ANK3: variants seen among roughly 807,000 people sequenced by gnomAD.
ANK3 encodes ankyrin-3.
Under a neutral mutation model 370.9 loss-of-function variants are expected in ANK3, and 57 were observed. The ratio of observed to expected loss-of-function variants is 0.15; its 90% CI spans 0.12 to 0.19. The LOEUF (loss-of-function observed/expected upper bound fraction) is 0.19. Ranked by LOEUF, ANK3 falls within the 10% of genes least tolerant of loss-of-function variation. ANK3 has a pLI of 1.00. For missense variants in ANK3, 4,439 were observed against 5,302.1 expected (o/e 0.84, Z 5.06); for synonymous variants, 1,929 against 1,946.3 (o/e 0.99, Z 0.23).
chr10:60,155,143 T>C (rs1184297844), intron 23 of ANK3, among the ~76,000 whole-genome samples: 2 of 152,116 alleles, frequency 1.3e-5, no homozygotes, highest in Non-Finnish European at 2.9e-5. Context: ...CAATACCCGA[T>C]TTTAATGTAA....
At chr10:60,449,465 ATGGCAGAGGTCAGTC>A (rs2064538776) in intron 2 of ANK3, among the ~76,000 whole-genome samples, 1 of 152,202 alleles carries the variant, frequency 6.6e-6, no homozygotes, top group African/African-American at 2.4e-5. Flanking sequence ...ACTCAGTTGG[ATGGCAGAGGTCAGTC>A]TGGGATAGGA....
chr10:60,413,866 G>T (rs1197274280), intron 2 of ANK3, among the ~76,000 whole-genome samples: 1 of 151,986 alleles, frequency 6.6e-6, no homozygotes, highest in Non-Finnish European at 1.5e-5. Context: ...GTGTGGTGGT[G>T]CTTGTTTGCA....
intron 1 of ANK3, among the ~76,000 whole-genome samples, chr10:60,360,156 T>C (rs774875349): frequency 6.6e-6 from 1 of 152,220 alleles, no homozygotes; most frequent in Non-Finnish European, 1.5e-5. Flanking sequence ...TGTGTGTACA[T>C]GCGTGCCTAT....
At chr10:60,357,179 T>G (rs2057892486) in intron 1 of ANK3, among the ~76,000 whole-genome samples, 1 of 152,194 alleles carries the variant, frequency 6.6e-6, no homozygotes, top group Non-Finnish European at 1.5e-5. Flanking sequence ...TCTGGCCTCT[T>G]ACATCCTTGA....
Position 60,082,220 on chromosome 10 carries a change from T to A in ANK3, c.4324-44A>T, listed in dbSNP as rs769395289. 26 of 1,531,036 alleles carry A rather than the reference T, an allele frequency of 1.7e-5. No homozygotes were observed. The African/African-American group carries it at 3.6e-4, about 21-fold the overall frequency. 94.8% of individuals were successfully genotyped at this position (1,531,036 alleles called of 1,614,324 possible). A position where few individuals can be genotyped will look rare whatever the true frequency, so the allele number is the denominator to read the frequency against. On this transcript the variant is annotated intron_variant, in intron 34 of 43. Coordinates refer to ENST00000280772, the MANE Select transcript of ANK3 (RefSeq NM_020987.5). ...ATTGCAGAGACAAGGAATATTATAA[T>A]GGACAGCAGGGAAAAGAATATCAGG... is the stretch of plus-strand genomic sequence containing the variant.
chr10:60,417,915 TA>T (rs534459028), intron 2 of ANK3, among the ~76,000 whole-genome samples: 4 of 152,116 alleles, frequency 2.6e-5, no homozygotes, highest in East Asian at 1.9e-4. Context: ...AAAGGTTTTT[TA>T]AAAAAATTTT....
intron 1 of ANK3, among the ~76,000 whole-genome samples, chr10:60,622,826 C>G (rs890596034): frequency 3.9e-5 from 6 of 152,132 alleles, no homozygotes; most frequent in Non-Finnish European, 7.3e-5. Context: ...ATGGGACCAA[C>G]GGAACCCAGT....
At position 60,026,993 on chromosome 10, in the gene ANK3, A is replaced by G. The variant is rs545601246; in HGVS notation, c.*2853T>C. ...AATCTACATATACATGTATAAATATATGCATATACACACATATGCAAGTTA... is the reference window on the plus strand; with the variant it reads ...AATCTACATATACATGTATAAATATGTGCATATACACACATATGCAAGTTA... On this transcript the variant is annotated 3_prime_UTR_variant, in exon 44 of 44. Coordinates refer to ENST00000280772, the MANE Select transcript of ANK3 (RefSeq NM_020987.5). 6.6e-6 allele frequency: 1 copy of G among 152,314 alleles called. No individual in the cohort carries two copies. The highest frequency in any genetic ancestry group is 1.5e-5 in the Non-Finnish European group (1 of 68,028). The allele number at this position is 152,314 out of a possible 1,614,324, so 9.4% of individuals were successfully genotyped here.
Position 60,329,923 on chromosome 10 carries a change from G to T in ANK3, c.115-50284C>A, listed in dbSNP as rs1183133334. Among the ~76,000 whole-genome samples, 4 of 152,248 alleles carry T rather than the reference G, an allele frequency of 2.6e-5. No individual in the cohort carries two copies. The East Asian group carries it at 5.8e-4, about 22-fold the overall frequency. On this transcript the variant is annotated intron_variant, in intron 1 of 43. Coordinates refer to ENST00000280772, the MANE Select transcript of ANK3 (RefSeq NM_020987.5). ...ACAGTAACCAAAACAGCATGGTACT[G>T]GTACCAAGACAGATATATAGACCAA...
At chr10:60,551,136 A>G (rs2077079698) in intron 2 of ANK3, among the ~76,000 whole-genome samples, 1 of 152,134 alleles carries the variant, frequency 6.6e-6, no homozygotes, top group Non-Finnish European at 1.5e-5. Flanking sequence ...CTTTTTCAAT[A>G]TAACAGGATT....
At chr10:60,264,848 T>A (rs2097855278) in intron 5 of ANK3, among the ~76,000 whole-genome samples, 1 of 152,124 alleles carries the variant, frequency 6.6e-6, no homozygotes, top group South Asian at 2.1e-4. Flanking sequence ...TTATGAAAGA[T>A]CTATAGAGGC....
At chr10:60,608,898 G>C (rs745331862) in intron 2 of ANK3, among the ~76,000 whole-genome samples, 17 of 152,176 alleles carry the variant, frequency 1.1e-4, no homozygotes, top group Non-Finnish European at 2.2e-4. Context: ...AAACTGAACT[G>C]TAAAGCATCT....
At chr10:60,724,963 T>A (rs1406515131) in intron 1 of ANK3, among the ~76,000 whole-genome samples, 1 of 152,212 alleles carries the variant, frequency 6.6e-6, no homozygotes, top group African/African-American at 2.4e-5. Flanking sequence ...TCATGGCACA[T>A]TATCATTATT....
intron 1 of ANK3, among the ~76,000 whole-genome samples, chr10:60,305,450 A>G (rs1462756496): frequency 6.6e-6 from 1 of 150,646 alleles, no homozygotes; most frequent in Non-Finnish European, 1.5e-5. Flanking sequence ...GAGTTTAATC[A>G]TGCTTACTGG....
At chr10:60,348,037 G>T (rs572946046) in intron 1 of ANK3, among the ~76,000 whole-genome samples, 1 of 151,982 alleles carries the variant, frequency 6.6e-6, no homozygotes, top group African/African-American at 2.4e-5. Context: ...TTGTTTGCTT[G>T]CCTTGTACTT....
chr10:60,266,378 TATGTA>T (rs571204244), intron 5 of ANK3, among the ~76,000 whole-genome samples: 7 of 152,204 alleles, frequency 4.6e-5, no homozygotes, highest in Non-Finnish European at 1.0e-4. Flanking sequence ...CTTTCTCATT[TATGTA>T]ATGTATTACT....
At chr10:60,733,399 G>T (rs2080056276) in exon 1 of ANK3, 1 of 1,182,402 alleles carries the variant, frequency 8.5e-7, no homozygotes, top group Non-Finnish European at 1.1e-6. Flanking sequence ...TCCAAACGTG[G>T]GACTTCTTGG....
At chr10:60,671,313 G>C (rs1183347810) in intron 1 of ANK3, among the ~76,000 whole-genome samples, 2 of 152,006 alleles carry the variant, frequency 1.3e-5, no homozygotes, top group Non-Finnish European at 2.9e-5. Flanking sequence ...CCGGCCAAGT[G>C]CTTTCCTTTC....
At chr10:60,368,096 T>C (rs2059630971) in intron 1 of ANK3, among the ~76,000 whole-genome samples, 1 of 152,180 alleles carries the variant, frequency 6.6e-6, no homozygotes, top group Non-Finnish European at 1.5e-5. Context: ...ATCCTAGAAT[T>C]GTGTATCTCA....
Sources: gnomAD v4.1 joint callset for allele counts (sites outside exome capture counted in the v4.1 genomes callset) on GRCh38, gnomAD v4.1.1 for gene constraint, MANE v1.5 for transcripts, NCBI Gene and HGNC (gene_info 2026-07-23, HGNC 2026-07-21) for gene names.